Variants in CACNA2D1 observed in about 807,000 individuals in gnomAD.
The protein encoded by CACNA2D1 is voltage-dependent calcium channel subunit alpha-2/delta-1.
Under a neutral mutation model 171.5 loss-of-function variants are expected in CACNA2D1, and 53 were observed. The observed-to-expected ratio is 0.31, with a 90% CI of 0.25 to 0.39. The LOEUF is 0.39. Among genes scored for constraint, CACNA2D1 ranks in the 10% least tolerant of loss-of-function variants. The probability of loss-of-function intolerance (pLI) is 1.00; values close to 1 mark genes in which losing one functional copy is unlikely to be tolerated. For missense variants in CACNA2D1, 903 were observed against 1,299.8 expected, an observed-to-expected ratio of 0.69 and a Z score of 4.69; for synonymous variants, 442 against 443.1, an observed-to-expected ratio of 1.00 and a Z score of 0.03.
chr7:82,164,295 C>T (rs917998530), intron 4 of CACNA2D1, among the ~76,000 whole-genome samples: 5 of 152,042 alleles, frequency 3.3e-5, no homozygotes, highest in African/African-American at 4.8e-5. Flanking sequence ...AATGCATTAG[C>T]CACGGTTTTA....
At chr7:81,962,551 A>G in intron 34 of CACNA2D1, 56 bp from the exon 35 acceptor site, 1 of 1,042,226 alleles carries the variant, frequency 9.6e-7, no homozygotes, top group Non-Finnish European at 1.5e-6. Flanking sequence ...GTGTTTTTAC[A>G]TGTACCCATA....
At chr7:82,407,236 A>C (rs1827159269) in intron 1 of CACNA2D1, among the ~76,000 whole-genome samples, 2 of 152,212 alleles carry the variant, frequency 1.3e-5, no homozygotes, top group Admixed American at 1.3e-4. Context: ...TAGACTATGA[A>C]AATGCATTTG....
chr7:82,393,181 C>T (rs10271433), intron 1 of CACNA2D1, among the ~76,000 whole-genome samples: 6 of 150,166 alleles, frequency 4.0e-5, no homozygotes, highest in Non-Finnish European at 7.4e-5. Context: ...GAGGGAGGGG[C>T]AATAACACTT....
intron 3 of CACNA2D1, among the ~76,000 whole-genome samples, chr7:82,211,177 G>A (rs1800512978): frequency 6.6e-6 from 1 of 151,840 alleles, no homozygotes; most frequent in Admixed American, 6.6e-5. Flanking sequence ...TGGGACAGGG[G>A]GATTCTTTTT....
At chr7:82,285,167 C>T (rs890010153) in intron 3 of CACNA2D1, among the ~76,000 whole-genome samples, 1 of 152,128 alleles carries the variant, frequency 6.6e-6, no homozygotes, top group Admixed American at 6.5e-5. Flanking sequence ...CCTTGCCCTC[C>T]TCCTCTTCTC....
At chr7:82,135,140 T>C (rs1584873344) in intron 5 of CACNA2D1, among the ~76,000 whole-genome samples, 1 of 152,010 alleles carries the variant, frequency 6.6e-6, no homozygotes, top group South Asian at 2.1e-4. Context: ...CAATCCTTAA[T>C]TGGAGGATTG....
At chr7:82,441,866 T>C (rs1830529959) in intron 1 of CACNA2D1, among the ~76,000 whole-genome samples, 1 of 152,160 alleles carries the variant, frequency 6.6e-6, no homozygotes, top group African/African-American at 2.4e-5. Context: ...CAAACAGACT[T>C]AAAAAATTAA....
chr7:81,961,940 C>T lies in CACNA2D1; in HGVS notation c.2920G>A (p.Asp974Asn), dbSNP rs774285483. 11 of 1,611,026 alleles carry T rather than the reference C, an allele frequency of 6.8e-6. No individual in the cohort carries two copies. The highest frequency in any genetic ancestry group is 1.7e-4 in the Middle Eastern group (1 of 6,058). The part of the protein sequence containing the change: ...TEQTQYFFDN[D>N]SKSFSGVLDC... ...AATACACCACTGAATGATTTACTGT[C>T]GTTATCGAAGAAATACTGGGTTTGT... is the stretch of plus-strand genomic sequence containing the variant. The change falls in exon 36 of 39, where the codon GAC (aspartate) becomes AAC (asparagine). Residue 974 changes from aspartate (D) to asparagine (N), a missense_variant. Transcript: ENST00000356860.
intron 3 of CACNA2D1, among the ~76,000 whole-genome samples, chr7:82,177,715 G>C (rs1042017798): frequency 6.6e-6 from 1 of 151,962 alleles, no homozygotes; most frequent in Admixed American, 6.6e-5. Context: ...TCCATCAAGA[G>C]ACCATCAATC....
intron 6 of CACNA2D1, among the ~76,000 whole-genome samples, chr7:82,088,742 T>C (rs1249948781): frequency 6.6e-6 from 1 of 152,142 alleles, no homozygotes; most frequent in Non-Finnish European, 1.5e-5. Context: ...ATTCTATAAA[T>C]TGGTATTATT....
At chr7:82,182,280 C>T (rs1199959800) in intron 3 of CACNA2D1, among the ~76,000 whole-genome samples, 1 of 152,020 alleles carries the variant, frequency 6.6e-6, no homozygotes, top group African/African-American at 2.4e-5. Context: ...GATCAAATCT[C>T]TGTAGGAATT....
At chr7:82,050,799 T>C (rs1805110572) in intron 10 of CACNA2D1, 1 of 570,556 alleles carries the variant, frequency 1.8e-6, no homozygotes, top group Non-Finnish European at 3.1e-6. Context: ...ACTTTACATG[T>C]GACATTTCAC....
chr7:82,074,430 G>A (rs1808710528), intron 7 of CACNA2D1, among the ~76,000 whole-genome samples: 1 of 152,070 alleles, frequency 6.6e-6, no homozygotes, highest in East Asian at 1.9e-4. Flanking sequence ...GTTGCACTAT[G>A]TTGGCCAGGC....
Position 82,381,926 on chromosome 7 carries a change from GT to G in CACNA2D1, c.96-32278del, listed in dbSNP as rs202132631. ...TTTTGTACAGATTTTATTTCCTATA[GT>G]TTTATATTCATAGAAGTGTATAAAT... On this transcript the variant is annotated intron_variant, in intron 1 of 38. Coordinates refer to ENST00000356860, the MANE Select transcript of CACNA2D1 (RefSeq NM_000722.4). 4.5e-4 allele frequency among the ~76,000 whole-genome samples: 66 copies of G among 147,912 alleles called. No homozygotes were observed. The East Asian group carries it at 0.012, about 27-fold the overall frequency.
intron 3 of CACNA2D1, among the ~76,000 whole-genome samples, chr7:82,327,774 A>G (rs1418902778): frequency 1.3e-5 from 2 of 152,156 alleles, no homozygotes; most frequent in Non-Finnish European, 1.5e-5. Context: ...TTTCTTGACT[A>G]TAATTATGTG....
chr7:82,224,310 G>C (rs1053905943), intron 3 of CACNA2D1, among the ~76,000 whole-genome samples: 6 of 152,132 alleles, frequency 3.9e-5, no homozygotes, highest in African/African-American at 1.4e-4. Context: ...ATATTTGGCC[G>C]GGCGCAGTGG....
In CACNA2D1 at chr7:81,956,546, G is replaced by T. The variant is rs1227940481; in HGVS notation, c.3159+2729C>A. On this transcript the variant is annotated intron_variant, in intron 38 of 38. Coordinates refer to ENST00000356860, the MANE Select transcript of CACNA2D1 (RefSeq NM_000722.4). The stretch of plus-strand genomic sequence containing the variant: ...TTGCCTATATATCAATTTTTAAAAT[G>T]TGTATATGAAGATATTAAAGCAACG... Among the ~76,000 whole-genome samples the T allele has an allele frequency of 2.6e-5, 4 of 152,162 alleles. No homozygotes were observed. The East Asian group carries it at 7.7e-4, about 29-fold the overall frequency.
At position 82,401,563 on chromosome 7, in the gene CACNA2D1, A is replaced by G. The variant is rs1231257094; in HGVS notation, c.95+41802T>C. Among the ~76,000 whole-genome samples, 9 of 122,714 alleles carry G rather than the reference A, an allele frequency of 7.3e-5. No individual in the cohort carries two copies. In the East Asian group the frequency reaches 1.2e-3, roughly 16 times the overall value. The allele number at this position is 122,714 out of a possible 152,430, so 80.5% of individuals were successfully genotyped here. On this transcript the variant is annotated intron_variant, in intron 1 of 38. Transcript: ENST00000356860. Reference sequence around the variant, plus strand: ...ACACTCTGGAGACTGTTGTGGGGTGAGGGGAGGGGGGAGGGATAGCATTAG... The same window carrying G: ...ACACTCTGGAGACTGTTGTGGGGTGGGGGGAGGGGGGAGGGATAGCATTAG...
chr7:82,351,159 T>C, intron 1 of CACNA2D1, among the ~76,000 whole-genome samples: 1 of 152,136 alleles, frequency 6.6e-6, no homozygotes, highest in East Asian at 1.9e-4. Context: ...ATTTGAACTT[T>C]TCTCTACATA....
Sources: allele counts gnomAD v4.1 joint callset (sites outside exome capture counted in the v4.1 genomes callset), GRCh38; gene constraint gnomAD v4.1.1; transcripts MANE v1.5; gene names NCBI Gene and HGNC (gene_info 2026-07-23, HGNC 2026-07-21).